FBXL13: variants seen among roughly 807,000 people sequenced by gnomAD.
FBXL13 encodes F-box and leucine rich repeat protein 13.
FBXL13 carries 67 observed loss-of-function variants against 83.6 expected under a neutral mutation model. The ratio of observed to expected loss-of-function variants is 0.80; its 90% CI spans 0.66 to 0.98. The LOEUF (loss-of-function observed/expected upper bound fraction) is 0.98, where lower values mean the gene tolerates loss of function less well. FBXL13 is among the 50% of genes least tolerant of loss of function. The pLI is 0.00. For synonymous variants in FBXL13, 272 were observed against 299.5 expected (o/e 0.91, Z 0.95); for missense variants, 822 against 866.5 (o/e 0.95, Z 0.64).
chr7:103,019,212 T>A (rs1792799242), intron 6 of FBXL13, among the ~76,000 whole-genome samples: 1 of 152,094 alleles, frequency 6.6e-6, no homozygotes, highest in Non-Finnish European at 1.5e-5. Flanking sequence ...ATAACCTGCT[T>A]CTGAATGACT....
chr7:102,906,037 AG>A (rs1813700028), intron 11 of FBXL13, among the ~76,000 whole-genome samples: 2 of 152,290 alleles, frequency 1.3e-5, no homozygotes, highest in South Asian at 4.1e-4. Context: ...GGGAGGCAAA[AG>A]GCACTTCTTA....
At chr7:102,957,801 GTCA>G (rs937906010) in intron 8 of FBXL13, among the ~76,000 whole-genome samples, 10 of 152,094 alleles carry the variant, frequency 6.6e-5, no homozygotes, top group Non-Finnish European at 1.3e-4. Context: ...ATCATCACTG[GTCA>G]TCAGAGAAAT....
intron 11 of FBXL13, among the ~76,000 whole-genome samples, chr7:102,905,178 C>G (rs1813571100): frequency 1.3e-5 from 2 of 152,296 alleles, no homozygotes; most frequent in Admixed American, 6.5e-5. Context: ...GCTTTTCTGT[C>G]TGGAAGATCT....
At chr7:103,017,855 G>T (rs144848146) in intron 6 of FBXL13, among the ~76,000 whole-genome samples, 1 of 152,198 alleles carries the variant, frequency 6.6e-6, no homozygotes, top group Non-Finnish European at 1.5e-5. Context: ...TCTGATTGGT[G>T]TACCTGAAAG....
chr7:102,877,901 A>C (rs113131820), intron 15 of FBXL13, among the ~76,000 whole-genome samples: 4 of 152,304 alleles, frequency 2.6e-5, no homozygotes, highest in African/African-American at 9.6e-5. Context: ...TAAAAGTGCA[A>C]GTTAAGAACC....
intron 11 of FBXL13, among the ~76,000 whole-genome samples, chr7:102,898,164 C>T (rs1204281136): frequency 4.6e-5 from 7 of 151,796 alleles, no homozygotes; most frequent in Non-Finnish European, 7.4e-5. Flanking sequence ...CACTCGACTC[C>T]TATACACACA....
intron 18 of FBXL13, among the ~76,000 whole-genome samples, chr7:102,827,958 C>A (rs1455145873): frequency 6.6e-6 from 1 of 152,086 alleles, no homozygotes; most frequent in Admixed American, 6.5e-5. Context: ...GTTTTGGTAC[C>A]AGTACCATGC....
At chr7:102,854,972 AAT>A in intron 16 of FBXL13, 112 bp from the exon 18 acceptor site, 1 of 568,290 alleles carries the variant, frequency 1.8e-6, no homozygotes, top group Non-Finnish European at 2.9e-6. Context: ...TATGAAAACT[AAT>A]AAATTTTAGT....
At chr7:102,843,397 C>T (rs1261963567) in intron 17 of FBXL13, among the ~76,000 whole-genome samples, 2 of 152,064 alleles carry the variant, frequency 1.3e-5, no homozygotes, top group East Asian at 1.9e-4. Flanking sequence ...GAGCCAACAT[C>T]GCACCACTCC....
At chr7:102,928,954 C>T (rs148740719) in intron 9 of FBXL13, among the ~76,000 whole-genome samples, 3 of 152,244 alleles carry the variant, frequency 2.0e-5, no homozygotes, top group East Asian at 1.9e-4. Context: ...CCATTTCTTG[C>T]GGATGACCCT....
intron 11 of FBXL13, chr7:102,912,885 G>A (rs185168556): frequency 1.7e-6 from 1 of 583,584 alleles, no homozygotes; most frequent in Non-Finnish European, 2.9e-6. Flanking sequence ...TTGTCTGTGT[G>A]ACACTCCAGT....
chr7:102,949,907 A>G (rs1448147728), intron 8 of FBXL13, among the ~76,000 whole-genome samples: 5 of 152,118 alleles, frequency 3.3e-5, no homozygotes, highest in African/African-American at 9.7e-5. Flanking sequence ...GGAGTTCAAG[A>G]CCAGCCTGGC....
chr7:102,877,318 A>C, intron 16 of FBXL13, 149 bp downstream of exon 17: 1 of 634,696 alleles, frequency 1.6e-6, no homozygotes, highest in Non-Finnish European at 2.4e-6. Flanking sequence ...CTTTTCTATC[A>C]CCCTTCTAGA....
intron 4 of FBXL13, among the ~76,000 whole-genome samples, chr7:103,027,910 C>T (rs540545555): frequency 2.0e-4 from 30 of 152,194 alleles, no homozygotes; most frequent in African/African-American, 7.0e-4. Context: ...GATCCAATGC[C>T]TTTGAATTTA....
exon 6 of FBXL13, chr7:103,025,164 C>T (rs1793762025): frequency 6.2e-7 from 1 of 1,610,636 alleles, no homozygotes; most frequent in South Asian, 1.1e-5. Flanking sequence ...TTGGATTCTT[C>T]TGCAGCAGCT....
At chr7:102,861,866 C>T (rs984842111) in intron 16 of FBXL13, among the ~76,000 whole-genome samples, 4 of 151,612 alleles carry the variant, frequency 2.6e-5, no homozygotes, top group Non-Finnish European at 5.9e-5. Flanking sequence ...CTTGTAATCC[C>T]GGCTACTCGG....
intron 17 of FBXL13, among the ~76,000 whole-genome samples, chr7:102,847,546 A>T (rs1304979049): frequency 6.6e-6 from 1 of 151,924 alleles, no homozygotes; most frequent in African/African-American, 2.4e-5. Flanking sequence ...CTTTTTTTTG[A>T]CATGGAGTCT....
chr7:103,007,637 CA>C (rs1177664688), intron 6 of FBXL13, among the ~76,000 whole-genome samples: 1 of 152,036 alleles, frequency 6.6e-6, no homozygotes, highest in Non-Finnish European at 1.5e-5. Flanking sequence ...AAAAAGAGCA[CA>C]AAAAATGAAC....
At chr7:102,865,905 G>T (rs1807578304) in intron 16 of FBXL13, among the ~76,000 whole-genome samples, 1 of 152,092 alleles carries the variant, frequency 6.6e-6, no homozygotes, top group African/African-American at 2.4e-5. Flanking sequence ...ATCTCAAACT[G>T]CTGGGCTCAA....
Sources: allele counts gnomAD v4.1 joint callset (sites outside exome capture counted in the v4.1 genomes callset), GRCh38; gene constraint gnomAD v4.1.1; transcripts MANE v1.5; gene names NCBI Gene and HGNC (gene_info 2026-07-23, HGNC 2026-07-21).